SPTLC3: variants seen among roughly 807,000 people sequenced by gnomAD.
SPTLC3 encodes serine palmitoyltransferase 3.
A neutral mutation model predicts 59.3 loss-of-function variants in SPTLC3; 36 were observed. That is an observed-to-expected ratio of 0.61 (90% CI 0.47 to 0.80). SPTLC3 has a LOEUF of 0.80. SPTLC3 is among the 30% of genes least tolerant of loss of function. The pLI is 0.00. For synonymous variants in SPTLC3, 257 were observed against 240.8 expected (o/e 1.07, Z -0.62); for missense variants, 625 against 685.1 (o/e 0.91, Z 0.98).
chr20:13,088,784 A>ATTTTTTTTTT (rs375680092), intron 4 of SPTLC3, among the ~76,000 whole-genome samples: 15 of 111,860 alleles, frequency 1.3e-4, no homozygotes, highest in Non-Finnish European at 1.9e-4. Flanking sequence ...GCACCCGGCT[A>ATTTTTTTTTT]TTTTTTTTTT....
Position 13,137,382 on chromosome 20 carries a change from C to T in SPTLC3, c.1279+10665C>T, listed in dbSNP as rs534539793. Reference sequence around the variant, plus strand: ...CAGCTAATGGGATGCTCCTCTTTTCCTTTGGGTTTTGGCCTCTGGGAGAAG... The same window carrying T: ...CAGCTAATGGGATGCTCCTCTTTTCTTTTGGGTTTTGGCCTCTGGGAGAAG... On this transcript the variant is annotated intron_variant, in intron 9 of 11. Coordinates refer to ENST00000399002, the MANE Select transcript of SPTLC3 (RefSeq NM_018327.4). 6.6e-5 allele frequency among the ~76,000 whole-genome samples: 10 copies of T among 152,234 alleles called. No homozygotes were observed. In the South Asian group the frequency reaches 1.9e-3, roughly 28 times the overall value.
At chr20:13,017,008 T>C (rs1600204235) in intron 1 of SPTLC3, among the ~76,000 whole-genome samples, 1 of 152,134 alleles carries the variant, frequency 6.6e-6, no homozygotes, top group Non-Finnish European at 1.5e-5. Flanking sequence ...AAACCAAGTT[T>C]GTTCAATCCT....
intron 2 of SPTLC3, among the ~76,000 whole-genome samples, chr20:13,052,106 T>A (rs6041812): frequency 0.87 from 132,547 of 152,042 alleles, 57,832 homozygotes; most frequent in East Asian, 0.92. Context: ...GGAACAGCTG[T>A]GCTCTGCAGC....
At chr20:13,152,030 A>G (rs1204372827) in intron 9 of SPTLC3, among the ~76,000 whole-genome samples, 3 of 152,282 alleles carry the variant, frequency 2.0e-5, no homozygotes, top group South Asian at 4.1e-4. Context: ...GGCAGAAATG[A>G]GAGTTTTATT....
At chr20:13,139,278 G>C (rs917537387) in intron 9 of SPTLC3, among the ~76,000 whole-genome samples, 7 of 152,178 alleles carry the variant, frequency 4.6e-5, no homozygotes, top group Non-Finnish European at 8.8e-5. Flanking sequence ...TTGGGATTTT[G>C]AGTCTTTGAA....
At chr20:13,105,798 C>T (rs1989857751) in intron 6 of SPTLC3, among the ~76,000 whole-genome samples, 1 of 152,098 alleles carries the variant, frequency 6.6e-6, no homozygotes, top group African/African-American at 2.4e-5. Context: ...TTTTATTCAC[C>T]ATCTCTTTAT....
chr20:13,154,578 C>T (rs112173447), intron 10 of SPTLC3, among the ~76,000 whole-genome samples: 6 of 152,196 alleles, frequency 3.9e-5, no homozygotes, highest in Admixed American at 2.0e-4. Flanking sequence ...TCATTTCAAG[C>T]GTGGGGAAGC....
At chr20:13,133,778 G>T (rs1216520859) in intron 9 of SPTLC3, among the ~76,000 whole-genome samples, 3 of 152,154 alleles carry the variant, frequency 2.0e-5, no homozygotes, top group Non-Finnish European at 2.9e-5. Flanking sequence ...TACGTACAGG[G>T]ATGGTCCAGT....
rs780292355 is a variant in SPTLC3, at chr20:13,110,231, A to G, written c.932+14A>G. Reference sequence around the variant, plus strand: ...GGGTGTCTACAGGTATGTAAATAACAGGACACATTTTACGACTCGGAGGCC... The same window carrying G: ...GGGTGTCTACAGGTATGTAAATAACGGGACACATTTTACGACTCGGAGGCC... On this transcript the variant is annotated intron_variant, in intron 7 of 11. Transcript: ENST00000399002. The G allele has an allele frequency of 1.2e-6, 2 of 1,608,464 alleles. No individual in the cohort carries two copies. Among genetic ancestry groups the G allele is most frequent in the Non-Finnish European group, 1.7e-6 (2 of 1,177,084 alleles).
chr20:13,050,334 T>A (rs1987430871), intron 2 of SPTLC3: 1 of 151,816 alleles, frequency 6.6e-6, no homozygotes, highest in Non-Finnish European at 1.5e-5. Flanking sequence ...AAGAAAAAAA[T>A]TCAGAGCTTA....
Position 13,166,804 on chromosome 20 carries a change from C to T in SPTLC3, c.*1937C>T, listed in dbSNP as rs971678450. On this transcript the variant is annotated 3_prime_UTR_variant, in exon 12 of 12. Transcript: ENST00000399002. ...GTTTACACACACCTTCACATCTACA[C>T]TTCAAGTTTTAAGCCCCTAGACATG... 6.6e-6 allele frequency: 1 copy of T among 152,212 alleles called. No individual in the cohort carries two copies. Among genetic ancestry groups the T allele is most frequent in the Non-Finnish European group, 1.5e-5 (1 of 68,026 alleles). 9.4% of individuals were successfully genotyped at this position (152,212 alleles called of 1,614,324 possible).
At chr20:13,143,340 TG>T (rs1368320409) in intron 9 of SPTLC3, among the ~76,000 whole-genome samples, 12 of 152,182 alleles carry the variant, frequency 7.9e-5, no homozygotes, top group African/African-American at 2.9e-4. Flanking sequence ...CAAATAAATG[TG>T]TATGAAAGTA....
At chr20:13,024,293 A>C (rs968845391) in intron 1 of SPTLC3, among the ~76,000 whole-genome samples, 1 of 152,174 alleles carries the variant, frequency 6.6e-6, no homozygotes, top group Non-Finnish European at 1.5e-5. Flanking sequence ...TTTATTGTAA[A>C]CATTTGCAAA....
At chr20:13,077,385 T>G (rs1290675100) in intron 4 of SPTLC3, among the ~76,000 whole-genome samples, 2 of 151,916 alleles carry the variant, frequency 1.3e-5, no homozygotes, top group East Asian at 3.8e-4. Context: ...AATTTAATAG[T>G]TATCAATTGA....
chr20:13,037,986 A>ATGAGT (rs1408317410), intron 1 of SPTLC3, among the ~76,000 whole-genome samples: 3 of 151,412 alleles, frequency 2.0e-5, no homozygotes, highest in African/African-American at 7.3e-5. Flanking sequence ...ATCAGCCAGA[A>ATGAGT]TGAGTCACAT....
chr20:13,102,864 C>T (rs1456572539), intron 6 of SPTLC3, among the ~76,000 whole-genome samples: 1 of 152,166 alleles, frequency 6.6e-6, no homozygotes, highest in Non-Finnish European at 1.5e-5. Context: ...CTAGGTTCTG[C>T]CTGTCCTTCA....
At chr20:13,085,111 C>T (rs1988963513) in intron 4 of SPTLC3, among the ~76,000 whole-genome samples, 1 of 152,100 alleles carries the variant, frequency 6.6e-6, no homozygotes, top group Non-Finnish European at 1.5e-5. Context: ...GTTACTTCCA[C>T]CATTTTTCCA....
chr20:13,137,448 T>A (rs1484453595), intron 9 of SPTLC3, among the ~76,000 whole-genome samples: 1 of 152,186 alleles, frequency 6.6e-6, no homozygotes, highest in Non-Finnish European at 1.5e-5. Context: ...GATTTTTTAT[T>A]CATATTTGGT....
intron 9 of SPTLC3, among the ~76,000 whole-genome samples, chr20:13,151,025 T>A (rs1420727747): frequency 6.6e-6 from 1 of 152,230 alleles, no homozygotes; most frequent in Non-Finnish European, 1.5e-5. Context: ...GATTATTTTA[T>A]TAATGTCTGT....
Sources: allele counts gnomAD v4.1 joint callset (sites outside exome capture counted in the v4.1 genomes callset), GRCh38; gene constraint gnomAD v4.1.1; transcripts MANE v1.5; gene names NCBI Gene and HGNC (gene_info 2026-07-23, HGNC 2026-07-21).